CCDC134: variants seen among roughly 807,000 people sequenced by gnomAD.
The protein encoded by CCDC134 is coiled-coil domain containing 134.
In CCDC134, 27 loss-of-function variants were observed where a neutral mutation model predicts 25.6. That is an observed-to-expected ratio of 1.05 (90% confidence interval 0.78 to 1.45). CCDC134 has a LOEUF of 1.45. CCDC134 is among the 40% of genes most tolerant of loss of function. The pLI, the probability that CCDC134 is intolerant of heterozygous loss-of-function variation, is 0.00. For missense variants in CCDC134, 261 were observed against 286.7 expected, an observed-to-expected ratio of 0.91 and a Z score of 0.65; for synonymous variants, 110 against 115.0, an observed-to-expected ratio of 0.96 and a Z score of 0.28.
chr22:41,832,114 A>T lies in CCDC134; in HGVS notation c.*6291A>T, dbSNP rs1307580239. ...AAACTTCAACTTTTCCCTTTTATCA[A>T]TATATTGTGAACGCCTTTTCTTGCT... On this transcript the variant is annotated 3_prime_UTR_variant, in exon 7 of 7. Coordinates refer to ENST00000255784, the MANE Select transcript of CCDC134 (RefSeq NM_024821.5). 6.6e-6 allele frequency: 1 copy of T among 152,178 alleles called. No homozygotes were observed. The highest frequency in any genetic ancestry group is 1.5e-5 in the Non-Finnish European group (1 of 68,036). 9.4% of individuals were successfully genotyped at this position (152,178 alleles called of 1,614,324 possible). A position where few individuals can be genotyped will look rare whatever the true frequency, so the allele number is the denominator to read the frequency against.
Position 41,830,700 on chromosome 22 carries a change from G to A in CCDC134, c.*4877G>A, listed in dbSNP as rs1051160040. ...TATCTATTTCTCATTAGTTATACACGTTCATTATAAAACGTAATTTAAGCA... is the reference window on the plus strand; with the variant it reads ...TATCTATTTCTCATTAGTTATACACATTCATTATAAAACGTAATTTAAGCA... On this transcript the variant is annotated 3_prime_UTR_variant, in exon 7 of 7. Transcript: ENST00000255784. Among the ~76,000 whole-genome samples the A allele has an allele frequency of 6.6e-6, 1 of 152,066 alleles. No homozygotes were observed. The highest frequency in any genetic ancestry group is 2.4e-5 in the African/African-American group (1 of 41,378).
intron 1 of CCDC134, among the ~76,000 whole-genome samples, chr22:41,807,349 G>A (rs1175413669): frequency 1.3e-5 from 2 of 152,142 alleles, no homozygotes; most frequent in African/African-American, 4.8e-5. Flanking sequence ...GATCACTTGA[G>A]CCCAGGAGTT....
At chr22:41,807,725 A>G (rs75081532) in intron 1 of CCDC134, among the ~76,000 whole-genome samples, 1 of 152,172 alleles carries the variant, frequency 6.6e-6, no homozygotes, top group Non-Finnish European at 1.5e-5. Flanking sequence ...ACAGTGCTCA[A>G]TAAATAATTG....
At chr22:41,820,468 T>C (rs570066987) in intron 6 of CCDC134, among the ~76,000 whole-genome samples, 15 of 152,160 alleles carry the variant, frequency 9.9e-5, no homozygotes, top group African/African-American at 3.6e-4. Flanking sequence ...TTTAAAGAGG[T>C]CATCTGGCTG....
Position 41,810,254 on chromosome 22 carries a change from A to C in CCDC134, c.273A>C (p.Pro91=), listed in dbSNP as rs1193049795. 2 of 1,613,994 alleles carry C rather than the reference A, an allele frequency of 1.2e-6. No homozygotes were observed. The highest frequency in any genetic ancestry group is 1.7e-6 in the Non-Finnish European group (2 of 1,180,008). ...RTVLTAADVL[P]DGPFPQDEKL... is the part of the protein sequence containing the mutation. ...TGCTCACCGCTGCTGATGTGCTCCCAGATGGGCCCTTCCCCCAGGACGAGA... is the reference window on the plus strand; with the variant it reads ...TGCTCACCGCTGCTGATGTGCTCCCCGATGGGCCCTTCCCCCAGGACGAGA... The change falls in exon 4 of 7, where the codon CCA becomes CCC. Residue 91 remains proline (P), a synonymous_variant. Transcript: ENST00000255784.
intron 6 of CCDC134, 116 bp downstream of exon 6, chr22:41,813,938 G>T: frequency 1.2e-6 from 1 of 843,322 alleles, no homozygotes; most frequent in Non-Finnish European, 2.0e-6. Flanking sequence ...AGGCAGCCTG[G>T]GCCTGGGTCC....
rs2076688370 is a variant in CCDC134, at chr22:41,828,145, C to T, written c.*2322C>T. 6.6e-6 allele frequency among the ~76,000 whole-genome samples: 1 copy of T among 152,178 alleles called. No individual in the cohort carries two copies. The highest frequency in any genetic ancestry group is 6.5e-5 in the Admixed American group (1 of 15,276). ...TATAATTTGAAGCAGAGCTGGGCAA[C>T]TGCAGAGCAATGGGGAAGCCAGCCC... On this transcript the variant is annotated 3_prime_UTR_variant, in exon 7 of 7. Transcript: ENST00000255784.
rs538703084 is a variant in CCDC134, at chr22:41,802,057, C to T, written c.-17+1291C>T. On this transcript the variant is annotated intron_variant, in intron 1 of 6. Transcript: ENST00000255784. ...TTTTTCTGTGTAAGTTTGCAGTGGC[C>T]TTTGTGCAGGGTTGTGGTTTTTGCA... is the stretch of plus-strand genomic sequence containing the variant. Among the ~76,000 whole-genome samples, 121 of 152,216 alleles carry T rather than the reference C, an allele frequency of 7.9e-4. 2 individuals carry two copies. Among genetic ancestry groups the T allele is most frequent in the African/African-American group, 2.6e-3 (108 of 41,516 alleles).
At chr22:41,803,068 C>T (rs915420186) in intron 1 of CCDC134, among the ~76,000 whole-genome samples, 6 of 151,752 alleles carry the variant, frequency 4.0e-5, no homozygotes, top group East Asian at 1.9e-4. Context: ...GAGCCGAGAT[C>T]GCACCATTGC....
At chr22:41,803,596 C>T (rs2076554174) in intron 1 of CCDC134, among the ~76,000 whole-genome samples, 1 of 151,840 alleles carries the variant, frequency 6.6e-6, no homozygotes, top group Non-Finnish European at 1.5e-5. Context: ...CATGAAACCT[C>T]GTCTCTACAA....
At position 41,826,156 on chromosome 22, in the gene CCDC134, G is replaced by C. The variant is rs2076677108; in HGVS notation, c.*333G>C. 4.3e-6 allele frequency: 1 copy of C among 230,244 alleles called. No homozygotes were observed. The highest frequency in any genetic ancestry group is 6.7e-5 in the South Asian group (1 of 14,956). The allele number at this position is 230,244 out of a possible 1,614,324, so 14.3% of individuals were successfully genotyped here. ...TCTGGCCAGCTGGCTTCCGCCCTTG[G>C]TGGGGAAGCAGCAGAACTAGGTTCT... On this transcript the variant is annotated 3_prime_UTR_variant, in exon 7 of 7. Coordinates refer to ENST00000255784, the MANE Select transcript of CCDC134 (RefSeq NM_024821.5).
In CCDC134 at chr22:41,825,311, G is replaced by A. The variant is rs2076671295; in HGVS notation, c.565-387G>A. Among the ~76,000 whole-genome samples the A allele has an allele frequency of 6.6e-6, 1 of 151,402 alleles. No individual in the cohort carries two copies. Among genetic ancestry groups the A allele is most frequent in the Non-Finnish European group, 1.5e-5 (1 of 67,868 alleles). ...CACCCCCCCACTTGCCTTGTCATCT[G>A]TGACTCTGGCTGACCTCCCTCCTCT... On this transcript the variant is annotated intron_variant, in intron 6 of 6. Coordinates refer to ENST00000255784, the MANE Select transcript of CCDC134 (RefSeq NM_024821.5). This position sits in a 1 kb window ranked among gnomAD's most constrained non-coding sequence, Gnocchi z 4.4.
At chr22:41,813,885 C>T (rs1411433788) in intron 6 of CCDC134, 63 bp downstream of exon 6, 7 of 1,496,576 alleles carry the variant, frequency 4.7e-6, no homozygotes, top group Non-Finnish European at 6.5e-6. Context: ...GACACCGAGG[C>T]CTGCAGGGGC....
chr22:41,819,876 G>C (rs1212190881), intron 6 of CCDC134, among the ~76,000 whole-genome samples: 3 of 148,844 alleles, frequency 2.0e-5, no homozygotes, highest in Non-Finnish European at 4.4e-5. Context: ...CAGAGTTGTA[G>C]GCCTGATCCT....
intron 1 of CCDC134, among the ~76,000 whole-genome samples, chr22:41,807,892 T>A (rs1223385477): frequency 6.6e-6 from 1 of 152,080 alleles, no homozygotes; most frequent in Non-Finnish European, 1.5e-5. Flanking sequence ...CCGGGCGCGG[T>A]GGCTCACATC....
intron 6 of CCDC134, among the ~76,000 whole-genome samples, chr22:41,823,617 C>G (rs528543772): frequency 6.6e-6 from 1 of 152,192 alleles, no homozygotes; most frequent in Non-Finnish European, 1.5e-5. Flanking sequence ...TTCATCAAAA[C>G]AAGTAAAATA....
In CCDC134 at chr22:41,825,715, C is replaced by T; in HGVS notation, c.582C>T (p.Asp194=). The stretch of plus-strand genomic sequence containing the variant: ...CCCTTCAGTTCATTCCCAGCACTGA[C>T]CCTTTCCAGAAGGCCCTGAGAGAAG... ...IDRTEFIPST[D]PFQKALREEE... is the part of the protein sequence containing the mutation. The change falls in exon 7 of 7, where the codon GAC becomes GAT. Residue 194 remains aspartate (D), a synonymous_variant. Transcript: ENST00000255784. This position sits in a 1 kb window ranked among gnomAD's most constrained non-coding sequence, Gnocchi z 4.4. 6.2e-7 allele frequency: 1 copy of T among 1,614,152 alleles called. No homozygotes were observed. Among genetic ancestry groups the T allele is most frequent in the Non-Finnish European group, 8.5e-7 (1 of 1,179,988 alleles).
intron 4 of CCDC134, among the ~76,000 whole-genome samples, chr22:41,811,726 C>T (rs904311328): frequency 6.6e-5 from 10 of 152,136 alleles, no homozygotes; most frequent in East Asian, 5.8e-4. Flanking sequence ...TTACCACACC[C>T]GGCCAAAAGT....
chr22:41,813,941 C>A, intron 6 of CCDC134, 119 bp downstream of exon 6: 1 of 823,116 alleles, frequency 1.2e-6, no homozygotes, highest in Non-Finnish European at 2.0e-6. Context: ...CAGCCTGGGC[C>A]TGGGTCCAGA....
Sources: allele counts gnomAD v4.1 joint callset (sites outside exome capture counted in the v4.1 genomes callset), GRCh38; gene constraint gnomAD v4.1.1; non-coding constraint Gnocchi (gnomAD v3.1); transcripts MANE v1.5; gene names NCBI Gene and HGNC (gene_info 2026-07-23, HGNC 2026-07-21).